The following ADARB2 variants were observed in gnomAD, a reference collection of about 807,000 sequenced individuals.
ADARB2 encodes adenosine deaminase RNA specific B2 (inactive).
A neutral mutation model predicts 62.2 loss-of-function variants in ADARB2; 25 were observed. That is an observed-to-expected ratio of 0.40 (90% CI 0.29 to 0.56). ADARB2 has a LOEUF of 0.56. ADARB2 is among the 20% of genes least tolerant of loss of function. ADARB2 has a pLI of 0.43. For synonymous variants in ADARB2, 572 were observed against 500.8 expected (o/e 1.14, Z -1.90); for missense variants, 1,071 against 1,077.4 (o/e 0.99, Z 0.08).
intron 1 of ADARB2, among the ~76,000 whole-genome samples, chr10:1,643,364 C>G (rs117897267): frequency 6.6e-6 from 1 of 152,200 alleles, no homozygotes; most frequent in East Asian, 1.9e-4. Context: ...CATTTTTCCC[C>G]GCACTCACTT....
intron 3 of ADARB2, among the ~76,000 whole-genome samples, chr10:1,317,636 C>T (rs2131825923): frequency 6.6e-6 from 1 of 152,190 alleles, no homozygotes; most frequent in Non-Finnish European, 1.5e-5. Context: ...AAGTCCAATT[C>T]CCTGATGTTG....
intron 1 of ADARB2, among the ~76,000 whole-genome samples, chr10:1,596,776 T>C (rs1422140499): frequency 6.6e-6 from 1 of 152,110 alleles, no homozygotes; most frequent in Non-Finnish European, 1.5e-5. Context: ...TGGGGTCTAG[T>C]GGGGAAGATG....
At chr10:1,594,855 C>T (rs1033989233) in intron 1 of ADARB2, among the ~76,000 whole-genome samples, 16 of 152,268 alleles carry the variant, frequency 1.1e-4, no homozygotes, top group South Asian at 2.1e-4. Flanking sequence ...TTCGTTGTAT[C>T]GGGGCAGAGC....
chr10:1,522,729 C>T (rs927633170), intron 1 of ADARB2, among the ~76,000 whole-genome samples: 3 of 152,182 alleles, frequency 2.0e-5, no homozygotes, highest in African/African-American at 4.8e-5. Context: ...TTATTGAACT[C>T]GTGGATCTTA....
At chr10:1,417,615 C>T (rs1232987332) in intron 1 of ADARB2, among the ~76,000 whole-genome samples, 1 of 152,244 alleles carries the variant, frequency 6.6e-6, no homozygotes, top group South Asian at 2.1e-4. Context: ...GACACATGGA[C>T]AGGAGTCTGT....
At chr10:1,662,666 GC>G (rs1056384262) in intron 1 of ADARB2, among the ~76,000 whole-genome samples, 2 of 152,180 alleles carry the variant, frequency 1.3e-5, no homozygotes, top group African/African-American at 4.8e-5. Context: ...GTGAACTACG[GC>G]CCCTCGAAAC....
intron 1 of ADARB2, among the ~76,000 whole-genome samples, chr10:1,571,643 T>TATGC (rs1331790586): frequency 2.0e-5 from 3 of 152,044 alleles, no homozygotes; most frequent in African/African-American, 7.2e-5. Flanking sequence ...GGCAGGTGAG[T>TATGC]ATGCAGGTGA....
chr10:1,448,209 GAC>G (rs1201744209), intron 1 of ADARB2, among the ~76,000 whole-genome samples: 1 of 152,186 alleles, frequency 6.6e-6, no homozygotes, highest in Non-Finnish European at 1.5e-5. Context: ...AAACATATAA[GAC>G]AGTATCTATG....
At chr10:1,474,952 C>G (rs111489179) in intron 1 of ADARB2, among the ~76,000 whole-genome samples, 6 of 152,136 alleles carry the variant, frequency 3.9e-5, no homozygotes, top group Non-Finnish European at 7.4e-5. Context: ...CGGCGGCTGC[C>G]GGTCGTCCTG....
In ADARB2 at chr10:1,363,430, C is replaced by T; in HGVS notation, c.675G>A (p.Gln225=). The T allele has an allele frequency of 2.9e-6, 4 of 1,398,066 alleles. No individual in the cohort carries two copies. The South Asian group carries it at 6.6e-5, about 23-fold the overall frequency. The allele number at this position is 1,398,066 out of a possible 1,614,324, so 86.6% of individuals were successfully genotyped here. Residue 225 remains glutamine, a synonymous_variant, in exon 3 of 10, where the codon CAG becomes CAA. Coordinates refer to ENST00000381312, the MANE Select transcript of ADARB2 (RefSeq NM_018702.4). ...GGCGCGGCGCCGGGGGCTCGAACTCCTGGAAGAGCGTGTCGGGGAAATCGG... is the reference window on the plus strand; with the variant it reads ...GGCGCGGCGCCGGGGGCTCGAACTCTTGGAAGAGCGTGTCGGGGAAATCGG... The part of the protein sequence containing the change: ...DQADFPDTLF[Q]EFEPPAPRPG...
At chr10:1,329,109 C>T (rs1221113783) in intron 3 of ADARB2, among the ~76,000 whole-genome samples, 1 of 151,936 alleles carries the variant, frequency 6.6e-6, no homozygotes, top group African/African-American at 2.4e-5. Flanking sequence ...GTTCACACCC[C>T]AGTGTGGGCA....
rs1832895613 is a variant in ADARB2, at chr10:1,426,655, G to T, written c.101-47495C>A. On this transcript the variant is annotated intron_variant, in intron 1 of 9. Transcript: ENST00000381312. The surrounding 1 kb of genome is among the most constrained non-coding windows in gnomAD (Gnocchi z 4.1). ...AAGGTGAGGAGCGTGAATGGATGGA[G>T]CTGAGCTTCTGAGACTCGGAGACCA... 6.6e-6 allele frequency among the ~76,000 whole-genome samples: 1 copy of T among 152,196 alleles called. No individual in the cohort carries two copies. The highest frequency in any genetic ancestry group is 2.4e-5 in the African/African-American group (1 of 41,466).
At chr10:1,314,333 C>A (rs933237240) in intron 3 of ADARB2, among the ~76,000 whole-genome samples, 1 of 152,096 alleles carries the variant, frequency 6.6e-6, no homozygotes, top group African/African-American at 2.4e-5. Context: ...CTACTTGCCC[C>A]GTCCTCCTAG....
intron 8 of ADARB2, chr10:1,187,757 G>A (rs1836780335): frequency 2.9e-6 from 1 of 340,150 alleles, no homozygotes; most frequent in Non-Finnish European, 6.4e-6. Context: ...CACACTCCGG[G>A]GACAGAAGGA....
chr10:1,589,277 G>T lies in ADARB2; in HGVS notation c.100+147774C>A, dbSNP rs80322277. Among the ~76,000 whole-genome samples, 273 of 152,354 alleles carry T rather than the reference G, an allele frequency of 1.8e-3. 5 individuals carry two copies. The East Asian group carries it at 0.05, about 28-fold the overall frequency. On this transcript the variant is annotated intron_variant, in intron 1 of 9. Coordinates refer to ENST00000381312, the MANE Select transcript of ADARB2 (RefSeq NM_018702.4). ...TCAGCCTGACCGCCAGCCTCCAGGG[G>T]AGAACGTATGGTGGAAAGGTGCGGA... is the stretch of plus-strand genomic sequence containing the variant.
At chr10:1,580,592 C>T (rs185843021) in intron 1 of ADARB2, among the ~76,000 whole-genome samples, 143 of 152,054 alleles carry the variant, frequency 9.4e-4, no homozygotes, top group African/African-American at 3.2e-3. Context: ...ACCTCCTCCC[C>T]ACAAATGCAC....
At chr10:1,430,019 A>G (rs1299157488) in intron 1 of ADARB2, among the ~76,000 whole-genome samples, 1 of 152,236 alleles carries the variant, frequency 6.6e-6, no homozygotes, top group Non-Finnish European at 1.5e-5. Context: ...CATTGAAATG[A>G]GTAAAAATCG....
chr10:1,666,304 C>T (rs963508524), intron 1 of ADARB2, among the ~76,000 whole-genome samples: 1 of 152,228 alleles, frequency 6.6e-6, no homozygotes, highest in Non-Finnish European at 1.5e-5. Context: ...CCCTGCCTGC[C>T]CCGCCAGGGC....
chr10:1,345,566 T>C (rs1049129885), intron 3 of ADARB2, among the ~76,000 whole-genome samples: 18 of 152,320 alleles, frequency 1.2e-4, no homozygotes, highest in African/African-American at 4.3e-4. Context: ...CCCAGCCTCA[T>C]GCACACGGCT....
Sources: allele counts gnomAD v4.1 joint callset (sites outside exome capture counted in the v4.1 genomes callset), GRCh38; gene constraint gnomAD v4.1.1; non-coding constraint Gnocchi (gnomAD v3.1); transcripts MANE v1.5; gene names NCBI Gene and HGNC (gene_info 2026-07-23, HGNC 2026-07-21).